The following ROBO1 variants were observed in gnomAD, a reference collection of about 807,000 sequenced individuals.
ROBO1 encodes the protein roundabout guidance receptor 1, also known as roundabout homolog 1.
ROBO1 carries 149 observed loss-of-function variants against 195.9 expected under a neutral mutation model. That is an observed-to-expected ratio of 0.76 (90% CI 0.67 to 0.87). The LOEUF (loss-of-function observed/expected upper bound fraction) is 0.87, where lower values mean the gene tolerates loss of function less well. Among genes scored for constraint, ROBO1 ranks in the 40% least tolerant of loss-of-function variants. The pLI, the probability that ROBO1 is intolerant of heterozygous loss-of-function variation, is 0.00. For synonymous variants in ROBO1, 816 were observed against 733.2 expected (o/e 1.11, Z -1.82); for missense variants, 1,933 against 2,068.3 (o/e 0.93, Z 1.27).
intron 4 of ROBO1, among the ~76,000 whole-genome samples, chr3:78,748,661 A>G (rs989567044): frequency 2.0e-5 from 3 of 152,046 alleles, no homozygotes; most frequent in Admixed American, 6.6e-5. Flanking sequence ...AAAACCTCAA[A>G]CCAGTTTAAA....
intron 17 of ROBO1, among the ~76,000 whole-genome samples, chr3:78,658,378 C>A (rs1227499214): frequency 3.3e-5 from 5 of 152,184 alleles, no homozygotes; most frequent in African/African-American, 1.2e-4. Context: ...GCAGCCTCCA[C>A]CTCCCGGGTT....
intron 22 of ROBO1, among the ~76,000 whole-genome samples, chr3:78,636,467 A>G (rs1705508657): frequency 6.6e-6 from 1 of 152,130 alleles, no homozygotes; most frequent in Non-Finnish European, 1.5e-5. Context: ...TTTATTTTCT[A>G]GTCTTTGGTT....
Position 78,757,136 on chromosome 3 carries a change from C to T in ROBO1, c.500-10236G>A, listed in dbSNP as rs182542634. On this transcript the variant is annotated intron_variant, in intron 4 of 30. Coordinates refer to ENST00000464233, the MANE Select transcript of ROBO1 (RefSeq NM_002941.4). The stretch of plus-strand genomic sequence containing the variant: ...CAAACTCCTGACCTCACGTGAGCCA[C>T]CTGCGTCAGCCTCCCAAAGTGGTGC... Among the ~76,000 whole-genome samples the T allele has an allele frequency of 2.2e-4, 33 of 152,266 alleles. No homozygotes were observed. The East Asian group carries it at 6.4e-3, about 29-fold the overall frequency.
At chr3:79,075,472 A>G (rs572709926) in intron 3 of ROBO1, among the ~76,000 whole-genome samples, 1 of 152,108 alleles carries the variant, frequency 6.6e-6, no homozygotes, top group African/African-American at 2.4e-5. Context: ...ATGTTAGGGT[A>G]CATACAATCA....
intron 18 of ROBO1, among the ~76,000 whole-genome samples, chr3:78,654,061 T>A (rs896416064): frequency 6.6e-6 from 1 of 152,240 alleles, no homozygotes. Context: ...TTTTTTTCCA[T>A]AAAGATAATT....
chr3:79,066,556 AC>A (rs1171201819), intron 3 of ROBO1, among the ~76,000 whole-genome samples: 6 of 152,056 alleles, frequency 3.9e-5, no homozygotes, highest in South Asian at 4.1e-4. Flanking sequence ...GTGACTGATA[AC>A]AAAACTGCCA....
chr3:78,925,996 C>A (rs77284242), intron 4 of ROBO1, among the ~76,000 whole-genome samples: 1 of 151,920 alleles, frequency 6.6e-6, no homozygotes, highest in Non-Finnish European at 1.5e-5. Context: ...TCAGCCTCCC[C>A]AGTAGCTGCC....
chr3:79,767,779 T>C lies in ROBO1; in HGVS notation c.-78A>G, dbSNP rs1705073225. On this transcript the variant is annotated 5_prime_UTR_variant, in exon 1 of 31. Transcript: ENST00000464233. ...TTCCATAAGACTGTTTTCAGCAATC[T>C]AGAGGCTCCGTAGTGCAGACGCAGC... 6.6e-6 allele frequency: 1 copy of C among 152,208 alleles called. No individual in the cohort carries two copies. The highest frequency in any genetic ancestry group is 1.5e-5 in the Non-Finnish European group (1 of 68,052). 9.4% of individuals were successfully genotyped at this position (152,208 alleles called of 1,614,324 possible). A position where few individuals can be genotyped will look rare whatever the true frequency, so the allele number is the denominator to read the frequency against.
At chr3:78,908,109 T>G (rs2038033609) in intron 4 of ROBO1, among the ~76,000 whole-genome samples, 1 of 151,348 alleles carries the variant, frequency 6.6e-6, no homozygotes, top group South Asian at 2.1e-4. Context: ...TTAACTGGCC[T>G]GCATCAACTA....
At chr3:79,261,642 G>A (rs142674266) in intron 2 of ROBO1, among the ~76,000 whole-genome samples, 12 of 151,978 alleles carry the variant, frequency 7.9e-5, no homozygotes, top group Non-Finnish European at 1.6e-4. Context: ...GTAGTAGGCC[G>A]TCTGATGTAA....
At chr3:79,055,868 G>A (rs2078797754) in intron 3 of ROBO1, among the ~76,000 whole-genome samples, 1 of 151,984 alleles carries the variant, frequency 6.6e-6, no homozygotes, top group Admixed American at 6.6e-5. Flanking sequence ...TTCAGCAGTG[G>A]CCACTCTCTA....
intron 2 of ROBO1, among the ~76,000 whole-genome samples, chr3:79,458,621 C>G (rs2039695806): frequency 6.6e-6 from 1 of 151,562 alleles, no homozygotes; most frequent in Admixed American, 6.6e-5. Context: ...AAATACGAAT[C>G]TAAGAAAAAA....
intron 26 of ROBO1, among the ~76,000 whole-genome samples, chr3:78,620,491 G>A (rs888226056): frequency 6.6e-5 from 10 of 152,090 alleles, no homozygotes; most frequent in Admixed American, 5.9e-4. Flanking sequence ...CATCCTGGGC[G>A]ACAGAGGGAG....
intron 2 of ROBO1, among the ~76,000 whole-genome samples, chr3:79,330,642 C>A (rs1375328946): frequency 3.0e-5 from 4 of 134,106 alleles, no homozygotes; most frequent in African/African-American, 8.7e-5. Context: ...GCCTGCCAAG[C>A]CTAAAATATT....
At chr3:79,619,700 T>A (rs1312787909) in intron 1 of ROBO1, among the ~76,000 whole-genome samples, 2 of 152,158 alleles carry the variant, frequency 1.3e-5, no homozygotes, top group African/African-American at 4.8e-5. Context: ...GCATTTAGGC[T>A]CTTTTTCATC....
intron 3 of ROBO1, among the ~76,000 whole-genome samples, chr3:78,949,449 G>C (rs989254167): frequency 3.3e-5 from 5 of 151,174 alleles, no homozygotes; most frequent in Admixed American, 1.3e-4. Flanking sequence ...GGGAAAACTG[G>C]CTAGCCATAT....
At chr3:78,729,956 T>C (rs2082250468) in intron 5 of ROBO1, among the ~76,000 whole-genome samples, 2 of 152,202 alleles carry the variant, frequency 1.3e-5, no homozygotes, top group African/African-American at 2.4e-5. Context: ...CAATTTTCAC[T>C]TTCCCACAAA....
intron 1 of ROBO1, among the ~76,000 whole-genome samples, chr3:79,642,803 G>A (rs1360402659): frequency 6.6e-6 from 1 of 152,062 alleles, no homozygotes; most frequent in Non-Finnish European, 1.5e-5. Context: ...CTAATATGCC[G>A]AAAGAAAACA....
intron 1 of ROBO1, among the ~76,000 whole-genome samples, chr3:79,654,707 T>C (rs887783887): frequency 1.3e-4 from 18 of 136,768 alleles, no homozygotes; most frequent in Non-Finnish European, 2.7e-4. Flanking sequence ...AATTGCACTC[T>C]GTTTAGCTCT....
Sources: gnomAD v4.1 joint callset for allele counts (sites outside exome capture counted in the v4.1 genomes callset) on GRCh38, gnomAD v4.1.1 for gene constraint, MANE v1.5 for transcripts, NCBI Gene and HGNC (gene_info 2026-07-23, HGNC 2026-07-21) for gene names.